The following PCDHGA2 variants were observed in gnomAD, a reference collection of about 807,000 sequenced individuals.
PCDHGA2 encodes protocadherin gamma subfamily A, 2, also known as protocadherin gamma-A2.
PCDHGA2 carries 40 observed loss-of-function variants against 59.2 expected under a neutral mutation model. The ratio of observed to expected loss-of-function variants is 0.68; its 90% CI spans 0.52 to 0.88. PCDHGA2 has a LOEUF of 0.88. Among genes scored for constraint, PCDHGA2 ranks in the 40% least tolerant of loss-of-function variants. PCDHGA2 has a pLI of 0.00. For missense variants in PCDHGA2, 1,226 were observed against 1,204.0 expected (o/e 1.02, Z -0.27); for synonymous variants, 560 against 526.0 (o/e 1.06, Z -0.89).
At chr5:141,402,962 C>A (rs1482027682) in intron 1 of PCDHGA2, 2 of 1,604,618 alleles carry the variant, frequency 1.2e-6, no homozygotes, top group African/African-American at 2.7e-5. Flanking sequence ...AATGGCAGCT[C>A]CAACCAAATG....
chr5:141,495,199 G>A (rs1205495643), intron 2 of PCDHGA2, among the ~76,000 whole-genome samples: 1 of 152,164 alleles, frequency 6.6e-6, no homozygotes, highest in African/African-American at 2.4e-5. Context: ...CCCATGTACT[G>A]CCTAACCCCC....
chr5:141,501,509 C>T lies in PCDHGA2; in HGVS notation c.2484-3884C>T, dbSNP rs1046763108. 4.6e-5 allele frequency among the ~76,000 whole-genome samples: 7 copies of T among 152,080 alleles called. No individual in the cohort carries two copies. The South Asian group carries it at 6.2e-4, about 14-fold the overall frequency. On this transcript the variant is annotated intron_variant, in intron 2 of 3. Transcript: ENST00000394576. The stretch of plus-strand genomic sequence containing the variant: ...ATATCTGCTGCTGGGGCTCCAAGGC[C>T]TCCAAGCTGAAGCCCAGTACGTTGT...
intron 1 of PCDHGA2, chr5:141,388,795 C>G (rs1204065309): frequency 6.2e-7 from 1 of 1,613,716 alleles, no homozygotes; most frequent in Non-Finnish European, 8.5e-7. Flanking sequence ...GTTTTAAATA[C>G]ATTAGATTTT....
At chr5:141,478,247 G>C (rs1377698933) in intron 1 of PCDHGA2, 1 of 1,613,956 alleles carries the variant, frequency 6.2e-7, no homozygotes, top group Non-Finnish European at 8.5e-7. Context: ...CACAGTGTTC[G>C]GAGTAATCAT....
chr5:141,421,931 A>T, intron 1 of PCDHGA2: 1 of 1,613,556 alleles, frequency 6.2e-7, no homozygotes, highest in East Asian at 2.2e-5. Context: ...GTGGTCCTCG[A>T]TGTAAATGAT....
rs559433377 is a variant in PCDHGA2, at chr5:141,432,679, G to A, written c.2425-62128G>A. ...TGCTGGACAGAGACGCGCTCAAGCAGAGCCTCGTAGTGGCCGTCCAGGACC... is the reference window on the plus strand; with the variant it reads ...TGCTGGACAGAGACGCGCTCAAGCAAAGCCTCGTAGTGGCCGTCCAGGACC... On this transcript the variant is annotated intron_variant, in intron 1 of 3. Transcript: ENST00000394576. The surrounding 1 kb of genome is among the most constrained non-coding windows in gnomAD (Gnocchi z 6.0). The A allele has an allele frequency of 2.3e-4, 369 of 1,613,834 alleles. 1 individual carries two copies. The highest frequency in any genetic ancestry group is 1.7e-4 in the Middle Eastern group (1 of 6,056).
chr5:141,430,383 GAAA>G (rs139772145), intron 1 of PCDHGA2, among the ~76,000 whole-genome samples: 9 of 138,566 alleles, frequency 6.5e-5, no homozygotes, highest in African/African-American at 2.4e-4. Context: ...AGCTCATTGG[GAAA>G]AAAAAAAAAA....
At chr5:141,498,264 C>A (rs1272117057) in intron 2 of PCDHGA2, among the ~76,000 whole-genome samples, 2 of 152,016 alleles carry the variant, frequency 1.3e-5, no homozygotes, top group Admixed American at 1.3e-4. Context: ...GTGTTGAGTT[C>A]TTCAGTAAAC....
intron 1 of PCDHGA2, chr5:141,366,337 T>C (rs370359448): frequency 2.7e-5 from 44 of 1,613,760 alleles, no homozygotes; most frequent in East Asian, 2.2e-5. Flanking sequence ...ACAGGATCCC[T>C]GACATCCTGG....
At chr5:141,473,810 G>A (rs549204595) in intron 1 of PCDHGA2, among the ~76,000 whole-genome samples, 1 of 152,334 alleles carries the variant, frequency 6.6e-6, no homozygotes, top group South Asian at 2.1e-4. Flanking sequence ...CTGAGGAGCA[G>A]CTGGACAATT....
In PCDHGA2 at chr5:141,356,785, C is replaced by A. The variant is rs377527999; in HGVS notation, c.2424+15390C>A. 55 of 1,613,962 alleles carry A rather than the reference C, an allele frequency of 3.4e-5. No individual in the cohort carries two copies. The highest frequency in any genetic ancestry group is 6.7e-5 in the Admixed American group (4 of 60,030). On this transcript the variant is annotated intron_variant, in intron 1 of 3. Transcript: ENST00000394576. The stretch of plus-strand genomic sequence containing the variant: ...CGACTATGAGCAGTTTAGAGACCTG[C>A]AGCTGCTGATGACAGCCAGTGACAG...
rs950537869 is a variant in PCDHGA2, at chr5:141,432,150, A to G, written c.2425-62657A>G. 6.2e-7 allele frequency: 1 copy of G among 1,614,010 alleles called. No homozygotes were observed. On this transcript the variant is annotated intron_variant, in intron 1 of 3. Coordinates refer to ENST00000394576, the MANE Select transcript of PCDHGA2 (RefSeq NM_018915.4). The surrounding 1 kb of genome is among the most constrained non-coding windows in gnomAD (Gnocchi z 6.0). ...TCCTATTCCGCTTATATCCCAGAGA[A>G]CAATCCCAGAGGAGTTTCCCTCGTC...
intron 1 of PCDHGA2, chr5:141,423,380 G>A: frequency 6.2e-7 from 1 of 1,614,178 alleles, no homozygotes; most frequent in Non-Finnish European, 8.5e-7. Context: ...CTCAGGCTGT[G>A]GCGCTGGCAT....
In PCDHGA2 at chr5:141,431,140, C is replaced by G. The variant is rs145692116; in HGVS notation, c.2425-63667C>G. The G allele has an allele frequency of 6.2e-7, 1 of 1,614,208 alleles. No individual in the cohort carries two copies. The highest frequency in any genetic ancestry group is 1.7e-5 in the Admixed American group (1 of 60,038). On this transcript the variant is annotated intron_variant, in intron 1 of 3. Transcript: ENST00000394576. This position sits in a 1 kb window ranked among gnomAD's most constrained non-coding sequence, Gnocchi z 4.8. The stretch of plus-strand genomic sequence containing the variant: ...TAGAAGTAGAAGTAAGGGACATTAA[C>G]GACAATGCGCCTTACTTTCGTGAAA...
At chr5:141,481,191 C>A (rs1244434918) in intron 1 of PCDHGA2, among the ~76,000 whole-genome samples, 1 of 152,148 alleles carries the variant, frequency 6.6e-6, no homozygotes, top group Non-Finnish European at 1.5e-5. Context: ...GGGCCAGGCC[C>A]AATTTTTTTA....
At chr5:141,355,220 G>A (rs753002448) in intron 1 of PCDHGA2, 1 of 1,607,994 alleles carries the variant, frequency 6.2e-7, no homozygotes, top group Non-Finnish European at 8.5e-7. Context: ...CCTCCTGCTC[G>A]CCCAGACCAC....
chr5:141,423,671 T>C (rs773279181), intron 1 of PCDHGA2: 7 of 1,550,720 alleles, frequency 4.5e-6, no homozygotes, highest in Non-Finnish European at 5.2e-6. Context: ...GTGAGATTTA[T>C]TTCTCTGCCT....
intron 1 of PCDHGA2, chr5:141,361,017 A>C (rs767981942): frequency 3.1e-6 from 5 of 1,613,324 alleles, no homozygotes; most frequent in Admixed American, 1.7e-5. Flanking sequence ...TTTTCAACTT[A>C]AATGAAAAAA....
intron 1 of PCDHGA2, chr5:141,418,442 G>C: frequency 6.2e-7 from 1 of 1,614,010 alleles, no homozygotes; most frequent in Non-Finnish European, 8.5e-7. Flanking sequence ...TCCAGAATTA[G>C]TATTGCAGAA....
Sources: allele counts gnomAD v4.1 joint callset (sites outside exome capture counted in the v4.1 genomes callset), GRCh38; gene constraint gnomAD v4.1.1; non-coding constraint Gnocchi (gnomAD v3.1); transcripts MANE v1.5; gene names NCBI Gene and HGNC (gene_info 2026-07-23, HGNC 2026-07-21).